CEACAM7: variants seen among roughly 807,000 people sequenced by gnomAD.
CEACAM7 encodes CEA cell adhesion molecule 7.
In CEACAM7, 24 loss-of-function variants were observed where a neutral mutation model predicts 25.7. The observed-to-expected ratio is 0.93, with a 90% confidence interval of 0.68 to 1.31. The LOEUF (loss-of-function observed/expected upper bound fraction) is 1.31, where lower values mean the gene tolerates loss of function less well. Ranked by LOEUF, CEACAM7 falls within the 40% of genes most tolerant of loss-of-function variation. The probability of loss-of-function intolerance (pLI) is 0.00; values close to 1 mark genes in which losing one functional copy is unlikely to be tolerated. For missense variants in CEACAM7, 324 were observed against 330.1 expected (o/e 0.98, Z 0.14); for synonymous variants, 144 against 129.4 (o/e 1.11, Z -0.77).
At chr19:41,685,698 G>A (rs1240665930) in intron 2 of CEACAM7, among the ~76,000 whole-genome samples, 1 of 152,188 alleles carries the variant, frequency 6.6e-6, no homozygotes, top group Non-Finnish European at 1.5e-5. Flanking sequence ...GGAAACACAG[G>A]ATTTCAGGTC....
chr19:41,679,208 T>C lies in CEACAM7; in HGVS notation c.707-1705A>G, dbSNP rs782117886. 1.1e-3 allele frequency among the ~76,000 whole-genome samples: 165 copies of C among 152,208 alleles called. 2 individuals carry two copies. The highest frequency in any genetic ancestry group is 2.6e-4 in the Non-Finnish European group (18 of 68,028). The stretch of plus-strand genomic sequence containing the variant: ...CCAATTTTACAGAAATAGTAAGTGT[T>C]ATGAGTATTATGAATAATTATATGC... On this transcript the variant is annotated intron_variant, in intron 3 of 4. Coordinates refer to ENST00000401731, the MANE Select transcript of CEACAM7 (RefSeq NM_001291485.2).
chr19:41,687,792 C>T (rs1213504784), intron 1 of CEACAM7, among the ~76,000 whole-genome samples: 2 of 151,554 alleles, frequency 1.3e-5, no homozygotes, highest in Non-Finnish European at 2.9e-5. Flanking sequence ...TGGCTAGGGA[C>T]AATGTTTTAT....
intron 1 of CEACAM7, 102 bp from the exon 2 acceptor site, chr19:41,687,323 T>G: frequency 8.5e-7 from 1 of 1,180,534 alleles, no homozygotes; most frequent in Non-Finnish European, 1.2e-6. Context: ...ACCCCCATCT[T>G]GAAGTAAGTG....
chr19:41,685,195 C>T (rs1548723), intron 2 of CEACAM7, among the ~76,000 whole-genome samples: 80,383 of 151,950 alleles, frequency 0.53, 21,282 homozygotes, highest in Middle Eastern at 0.63. Flanking sequence ...GACTGCACAC[C>T]TGTCCTGCCT....
At position 41,679,968 on chromosome 19, in the gene CEACAM7, ATT is replaced by A. The variant is rs35163344; in HGVS notation, c.707-2467_707-2466del. 8.5e-3 allele frequency among the ~76,000 whole-genome samples: 583 copies of A among 68,794 alleles called. 2 individuals carry two copies. The highest frequency in any genetic ancestry group is 0.025 in the African/African-American group (416 of 16,700). 45.1% of individuals were successfully genotyped at this position (68,794 alleles called of 152,430 possible). On this transcript the variant is annotated intron_variant, in intron 3 of 4. Coordinates refer to ENST00000401731, the MANE Select transcript of CEACAM7 (RefSeq NM_001291485.2). ...AGGCGTGTGCCACCACACCTGGCTA[ATT>A]TTTTTTTTTTTTTTTTTTTTTTTTT...
Position 41,686,073 on chromosome 19 carries a change from G to C in CEACAM7, c.427+786C>G, listed in dbSNP as rs527618800. On this transcript the variant is annotated intron_variant, in intron 2 of 4. Transcript: ENST00000401731. The stretch of plus-strand genomic sequence containing the variant: ...ACCTGGATGAGAGCCCTGTGTAGAA[G>C]AGCTGCCCAAACAAGCAGGATCTCT... 7.2e-5 allele frequency among the ~76,000 whole-genome samples: 11 copies of C among 152,250 alleles called. No homozygotes were observed. The South Asian group carries it at 1.9e-3, about 26-fold the overall frequency.
intron 1 of CEACAM7, 96 bp downstream of exon 1, chr19:41,688,005 GC>G (rs34742303): frequency 0.28 from 290,661 of 1,030,472 alleles, 41,924 homozygotes; most frequent in Middle Eastern, 0.39. Flanking sequence ...TTCAACAGAA[GC>G]CCTTTGTCCC....
intron 3 of CEACAM7, 113 bp downstream of exon 3, chr19:41,683,672 G>A: frequency 2.0e-6 from 3 of 1,463,972 alleles, no homozygotes; most frequent in Non-Finnish European, 2.8e-6. Flanking sequence ...CAGCCTGGGT[G>A]CCTAGAGGTG....
chr19:41,683,413 G>GT (rs1568687997), intron 3 of CEACAM7, among the ~76,000 whole-genome samples: 3 of 152,328 alleles, frequency 2.0e-5, no homozygotes, highest in Admixed American at 6.5e-5. Context: ...GAATAAAGCC[G>GT]TAAGTGATGT....
Position 41,688,149 on chromosome 19 carries a change from G to A in CEACAM7, c.17C>T (p.Ala6Val). Reference protein sequence around the residue: MGSPSACPYRVCIPWQ... With the variant: MGSPSVCPYRVCIPWQ... ...GGGAATGCACACTCTGTATGGACAG[G>A]CTGAAGGGGACCCCATGGTCTCTGC... is the stretch of plus-strand genomic sequence containing the variant. Residue 6 changes from alanine (A) to valine (V), a missense_variant, in exon 1 of 5, where the codon GCC becomes GTC. Ala to Val is a moderately conservative substitution (Grantham distance 64). Transcript: ENST00000401731. 6.2e-7 allele frequency: 1 copy of A among 1,611,304 alleles called. No homozygotes were observed. The highest frequency in any genetic ancestry group is 8.5e-7 in the Non-Finnish European group (1 of 1,178,494).
At chr19:41,680,988 T>C (rs1312762470) in intron 3 of CEACAM7, among the ~76,000 whole-genome samples, 8 of 151,970 alleles carry the variant, frequency 5.3e-5, no homozygotes, top group Non-Finnish European at 1.2e-4. Flanking sequence ...AGGCAACCCA[T>C]GGAATGGGAG....
Position 41,683,974 on chromosome 19 carries a change from G to A in CEACAM7, c.517C>T (p.Gln173Ter). The change falls in exon 3 of 5, where the codon CAG becomes TAG. Residue 173 changes from glutamine (Q) to a stop codon, truncating the protein, a stop_gained. Coordinates refer to ENST00000401731, the MANE Select transcript of CEACAM7 (RefSeq NM_001291485.2). LOFTEE classifies it high-confidence loss of function. Reference sequence around the variant, plus strand: ...ACCCACCACAGGTAGGTTGTGTTCTGAGTCTCAGGTTGACAGGTTAAAACC... The same window carrying A: ...ACCCACCACAGGTAGGTTGTGTTCTAAGTCTCAGGTTGACAGGTTAAAACC... Reference protein sequence around the residue: ...IVVLTCQPETQNTTYLWWVNN... With the variant: ...IVVLTCQPET 2 of 1,614,222 alleles carry A rather than the reference G, an allele frequency of 1.2e-6. No homozygotes were observed. The highest frequency in any genetic ancestry group is 1.7e-6 in the Non-Finnish European group (2 of 1,180,038).
intron 3 of CEACAM7, among the ~76,000 whole-genome samples, chr19:41,683,077 C>T (rs1262357975): frequency 6.6e-6 from 1 of 152,200 alleles, no homozygotes; most frequent in African/African-American, 2.4e-5. Context: ...GTTTTTTCAG[C>T]TCTTCCTTAA....
rs1555810234 is a variant in CEACAM7 at position 41,677,435 on chromosome 19, G to A, written c.775C>T (p.Leu259=). Residue 259 remains leucine (L), a synonymous_variant, in exon 4 of 5, where the codon CTG becomes TTG. Coordinates refer to ENST00000401731, the MANE Select transcript of CEACAM7 (RefSeq NM_001291485.2). ...TGCTATATCAGAGCCATCCCAGCCA[G>A]TACTCCAATCATGATGCTGACAGCG... The part of the protein sequence containing the change: ...GTAVSIMIGV[L]AGMALI 6.2e-7 allele frequency: 1 copy of A among 1,613,902 alleles called. No individual in the cohort carries two copies. The highest frequency in any genetic ancestry group is 1.1e-5 in the South Asian group (1 of 91,068).
chr19:41,686,714 C>T (rs2072228659), intron 2 of CEACAM7, 145 bp downstream of exon 2: 1 of 823,592 alleles, frequency 1.2e-6, no homozygotes, highest in Admixed American at 2.5e-5. Context: ...TTTGTCTCCC[C>T]CATGTGTGTC....
chr19:41,686,306 C>T (rs185542128), intron 2 of CEACAM7, among the ~76,000 whole-genome samples: 1 of 152,326 alleles, frequency 6.6e-6, no homozygotes, highest in East Asian at 1.9e-4. Flanking sequence ...GGATGAGGCT[C>T]TGTCCTTGCC....
chr19:41,686,577 G>C (rs2072227107), intron 2 of CEACAM7, among the ~76,000 whole-genome samples: 1 of 152,132 alleles, frequency 6.6e-6, no homozygotes, highest in South Asian at 2.1e-4. Context: ...TCTTTTTCAG[G>C]GGGAGGGCAC....
Position 41,686,914 on chromosome 19 carries a change from G to A in CEACAM7, c.372C>T (p.His124=), listed in dbSNP as rs138765616. The A allele has an allele frequency of 3.5e-5, 54 of 1,565,124 alleles. No homozygotes were observed. The highest frequency in any genetic ancestry group is 1.8e-4 in the African/African-American group (13 of 72,820). The change falls in exon 2 of 5, where the codon CAC becomes CAT. Residue 124 remains histidine (H), a synonymous_variant. Coordinates refer to ENST00000401731, the MANE Select transcript of CEACAM7 (RefSeq NM_001291485.2). ...THNDAGIYTL[H]VIKENLVNEE... is the part of the protein sequence containing the mutation. The stretch of plus-strand genomic sequence containing the variant: ...CATTCACAAGATTTTCTTTTATAAC[G>A]TGTAGGGTATAGATTCCTGCGTCAT...
rs373660923 is a variant in CEACAM7, at chr19:41,688,139, G to A, written c.27C>T (p.Tyr9=). ...GCCCCTGCCAGGGAATGCACACTCT[G>A]TATGGACAGGCTGAAGGGGACCCCA... is the stretch of plus-strand genomic sequence containing the variant. MGSPSACP[Y]RVCIPWQGLL... is the part of the protein sequence containing the mutation. Residue 9 remains tyrosine, a synonymous_variant, in exon 1 of 5, where the codon TAC becomes TAT. Transcript: ENST00000401731. 5.1e-5 allele frequency: 83 copies of A among 1,612,136 alleles called. No individual in the cohort carries two copies. Among genetic ancestry groups the A allele is most frequent in the Non-Finnish European group, 6.6e-5 (78 of 1,178,878 alleles).
Sources: gnomAD v4.1 joint callset for allele counts (sites outside exome capture counted in the v4.1 genomes callset) on GRCh38, gnomAD v4.1.1 for gene constraint, MANE v1.5 for transcripts, NCBI Gene and HGNC (gene_info 2026-07-23, HGNC 2026-07-21) for gene names.